The following GLRA1 variants were observed in gnomAD, a reference collection of about 807,000 sequenced individuals.
GLRA1 encodes glycine receptor subunit alpha-1.
GLRA1 carries 37 observed loss-of-function variants against 48.3 expected under a neutral mutation model. The ratio of observed to expected loss-of-function variants is 0.77; its 90% CI spans 0.59 to 1.01. The LOEUF is 1.01. Ranked by LOEUF, GLRA1 falls within the 50% of genes least tolerant of loss-of-function variation. GLRA1 has a pLI of 0.00. For synonymous variants in GLRA1, 196 were observed against 210.7 expected, an observed-to-expected ratio of 0.93 and a Z score of 0.60; for missense variants, 427 against 571.0, an observed-to-expected ratio of 0.75 and a Z score of 2.57.
chr5:151,879,830 G>T (rs576736053), intron 3 of GLRA1, among the ~76,000 whole-genome samples: 1 of 152,308 alleles, frequency 6.6e-6, no homozygotes, highest in Admixed American at 6.5e-5. Context: ...GGGGCCAGGA[G>T]CGGAATGATA....
chr5:151,835,242 A>G (rs1763542914), intron 7 of GLRA1, among the ~76,000 whole-genome samples: 1 of 152,162 alleles, frequency 6.6e-6, no homozygotes, highest in Non-Finnish European at 1.5e-5. Context: ...TGAATCCCGG[A>G]AAAGGTCAAT....
At chr5:151,890,138 G>T (rs1383199113) in intron 2 of GLRA1, among the ~76,000 whole-genome samples, 1 of 152,118 alleles carries the variant, frequency 6.6e-6, no homozygotes, top group Admixed American at 6.5e-5. Flanking sequence ...ATTAGACAAA[G>T]AATTAAGTTA....
At chr5:151,844,965 A>C (rs1229247589) in intron 7 of GLRA1, among the ~76,000 whole-genome samples, 1 of 152,194 alleles carries the variant, frequency 6.6e-6, no homozygotes, top group Non-Finnish European at 1.5e-5. Context: ...ACATGGTGAG[A>C]GAGGAAGCAA....
At chr5:151,883,405 T>C (rs1355104444) in intron 3 of GLRA1, among the ~76,000 whole-genome samples, 2 of 150,268 alleles carry the variant, frequency 1.3e-5, no homozygotes, top group African/African-American at 4.9e-5. Flanking sequence ...TCTTTGGAGT[T>C]ATAGCAGTGT....
chr5:151,880,725 A>G (rs1444373832), intron 3 of GLRA1, among the ~76,000 whole-genome samples: 1 of 152,152 alleles, frequency 6.6e-6, no homozygotes, highest in Non-Finnish European at 1.5e-5. Context: ...ACATTTAAAT[A>G]CTCTTTTACT....
At chr5:151,916,787 G>A (rs557772695) in intron 1 of GLRA1, among the ~76,000 whole-genome samples, 3 of 152,236 alleles carry the variant, frequency 2.0e-5, no homozygotes, top group East Asian at 1.9e-4. Flanking sequence ...CTCATTGCCC[G>A]GGTGCCCCTT....
chr5:151,850,667 G>A (rs1752876761), intron 7 of GLRA1: 2 of 1,320,684 alleles, frequency 1.5e-6, no homozygotes. Context: ...TGTTGGCCAG[G>A]AGAAGAAGGG....
Position 151,852,114 on chromosome 5 carries a change from A to C in GLRA1, c.698-510T>G, listed in dbSNP as rs534059630. Among the ~76,000 whole-genome samples, 3 of 152,268 alleles carry C rather than the reference A, an allele frequency of 2.0e-5. No individual in the cohort carries two copies. In the East Asian group the frequency reaches 5.8e-4, roughly 29 times the overall value. On this transcript the variant is annotated intron_variant, in intron 6 of 8. Coordinates refer to ENST00000274576, the MANE Select transcript of GLRA1 (RefSeq NM_000171.4). ...CTACAGGAAAAAGTTTAAACTCTTT[A>C]GCCTGCCCTTTATAATCAAGCTCTA...
chr5:151,915,997 T>G (rs1754729768), intron 1 of GLRA1, among the ~76,000 whole-genome samples: 1 of 152,122 alleles, frequency 6.6e-6, no homozygotes, highest in African/African-American at 2.4e-5. Flanking sequence ...TTTTATCCAT[T>G]GGTAGAGGGG....
At chr5:151,898,779 GCA>G (rs1445826947) in intron 1 of GLRA1, among the ~76,000 whole-genome samples, 2 of 152,196 alleles carry the variant, frequency 1.3e-5, no homozygotes, top group African/African-American at 4.8e-5. Flanking sequence ...GGAGTTTGAG[GCA>G]CAGTCAGCAC....
At chr5:151,877,816 T>G (rs924156096) in intron 3 of GLRA1, among the ~76,000 whole-genome samples, 4 of 152,246 alleles carry the variant, frequency 2.6e-5, no homozygotes, top group East Asian at 1.9e-4. Context: ...CCCAGCCACA[T>G]GCAACTGTAA....
chr5:151,906,105 G>A (rs1005058460), intron 1 of GLRA1, among the ~76,000 whole-genome samples: 7 of 152,214 alleles, frequency 4.6e-5, no homozygotes, highest in Non-Finnish European at 1.0e-4. Flanking sequence ...TCTTAGGCAA[G>A]TCACTTAACA....
intron 3 of GLRA1, among the ~76,000 whole-genome samples, chr5:151,874,027 A>T (rs1400953816): frequency 6.6e-6 from 1 of 152,160 alleles, no homozygotes; most frequent in Non-Finnish European, 1.5e-5. Context: ...CTGGTGGTGA[A>T]GGGACTGAAA....
intron 7 of GLRA1, among the ~76,000 whole-genome samples, chr5:151,835,927 C>A (rs533508444): frequency 1.3e-5 from 2 of 152,254 alleles, no homozygotes; most frequent in Admixed American, 6.5e-5. Flanking sequence ...TCTCACCACT[C>A]CTATTCAACA....
intron 3 of GLRA1, among the ~76,000 whole-genome samples, chr5:151,861,732 A>C (rs1753210568): frequency 6.6e-6 from 1 of 152,206 alleles, no homozygotes. Flanking sequence ...AGGGATGTGA[A>C]GGACCTCTTC....
intron 7 of GLRA1, among the ~76,000 whole-genome samples, chr5:151,831,598 A>G (rs1719974019): frequency 6.6e-6 from 1 of 152,232 alleles, no homozygotes; most frequent in African/African-American, 2.4e-5. Flanking sequence ...CTGTGTCTCT[A>G]GATTCCTCCT....
chr5:151,856,940 G>T (rs1032109673), intron 4 of GLRA1, among the ~76,000 whole-genome samples: 1 of 152,238 alleles, frequency 6.6e-6, no homozygotes, highest in East Asian at 1.9e-4. Flanking sequence ...AGGAGTTCTG[G>T]CAGGAAGCAT....
intron 7 of GLRA1, among the ~76,000 whole-genome samples, chr5:151,837,301 G>A (rs1763602272): frequency 6.6e-6 from 1 of 152,178 alleles, no homozygotes; most frequent in African/African-American, 2.4e-5. Flanking sequence ...TCATTAAAAA[G>A]TTAGGAAATA....
intron 1 of GLRA1, among the ~76,000 whole-genome samples, chr5:151,912,364 G>T (rs1754638760): frequency 6.9e-6 from 1 of 145,246 alleles, no homozygotes; most frequent in Non-Finnish European, 1.5e-5. Context: ...AATTATTTTA[G>T]AAAGTTTTCC....
Sources: allele counts gnomAD v4.1 joint callset (sites outside exome capture counted in the v4.1 genomes callset), GRCh38; gene constraint gnomAD v4.1.1; transcripts MANE v1.5; gene names NCBI Gene and HGNC (gene_info 2026-07-23, HGNC 2026-07-21).